Variants in AK1 observed in about 807,000 individuals in gnomAD.
AK1 encodes the protein adenylate kinase 1.
Under a neutral mutation model 23.9 loss-of-function variants are expected in AK1, and 13 were observed. That is an observed-to-expected ratio of 0.54 (90% confidence interval 0.35 to 0.86). The LOEUF is 0.86. Ranked by LOEUF, AK1 falls within the 40% of genes least tolerant of loss-of-function variation. The pLI is 0.01. For missense variants in AK1, 214 were observed against 255.1 expected, an observed-to-expected ratio of 0.84 and a Z score of 1.10; for synonymous variants, 97 against 102.8, an observed-to-expected ratio of 0.94 and a Z score of 0.34.
upstream of AK1, among the ~76,000 whole-genome samples, chr9:127,878,835 G>A (rs1412292305): frequency 6.6e-6 from 1 of 152,190 alleles, no homozygotes; most frequent in Non-Finnish European, 1.5e-5. Flanking sequence ...GGTCAGAGGT[G>A]TTGCATTAGA....
chr9:127,871,905 A>G lies in AK1; in HGVS notation c.242T>C (p.Val81Ala). 6.2e-7 allele frequency: 1 copy of G among 1,614,076 alleles called. No individual in the cohort carries two copies. The highest frequency in any genetic ancestry group is 8.5e-7 in the Non-Finnish European group (1 of 1,180,006). ...TVLDMLRDAM[V>A]AKVNTSKGFL... Reference sequence around the variant, plus strand: ...GCCTTTGGAAGTATTGACTTTGGCCACCATGGCATCCCGGAGCATGTCCAA... The same window carrying G: ...GCCTTTGGAAGTATTGACTTTGGCCGCCATGGCATCCCGGAGCATGTCCAA... Residue 81 changes from valine to alanine, a missense_variant, in exon 5 of 7, where the codon GTG becomes GCG. Transcript: ENST00000644144. This position sits in a 1 kb window ranked among gnomAD's most constrained non-coding sequence, Gnocchi z 4.4.
chr9:127,868,273 A>G lies in AK1; in HGVS notation c.516+48T>C. ...ACACAGTGAGCTGAGGCGGAGCCACATAGGAACCCGTTCTTCCCGGAGCTG... is the reference window on the plus strand; with the variant it reads ...ACACAGTGAGCTGAGGCGGAGCCACGTAGGAACCCGTTCTTCCCGGAGCTG... On this transcript the variant is annotated intron_variant, in intron 6 of 6. Coordinates refer to ENST00000644144, the MANE Select transcript of AK1 (RefSeq NM_000476.3). This position sits in a 1 kb window ranked among gnomAD's most constrained non-coding sequence, Gnocchi z 4.1. The G allele has an allele frequency of 6.5e-7, 1 of 1,540,658 alleles. No homozygotes were observed. The highest frequency in any genetic ancestry group is 8.8e-7 in the Non-Finnish European group (1 of 1,138,472).
At chr9:127,876,446 C>T (rs1246980830) in intron 1 of AK1, among the ~76,000 whole-genome samples, 1 of 152,240 alleles carries the variant, frequency 6.6e-6, no homozygotes, top group Admixed American at 6.5e-5. Flanking sequence ...CCCTGAGTTT[C>T]TGCTACGCTG....
In AK1 at chr9:127,873,513, T is replaced by A. The variant is rs1165773050; in HGVS notation, c.8-452A>T. On this transcript the variant is annotated intron_variant, in intron 2 of 6. Transcript: ENST00000644144. ...CCCTCTCAGGCCCTGGGCCGGCCCA[T>A]CACCCGCCTCCCCCGGCAGTGGGGG... The A allele has an allele frequency of 2.1e-6, 3 of 1,440,832 alleles. No homozygotes were observed. The African/African-American group carries it at 4.3e-5, about 21-fold the overall frequency. 89.3% of individuals were successfully genotyped at this position (1,440,832 alleles called of 1,614,324 possible).
intron 4 of AK1, 120 bp downstream of exon 4, chr9:127,872,570 T>C: frequency 1.5e-6 from 2 of 1,358,254 alleles, no homozygotes; most frequent in South Asian, 2.5e-5. Flanking sequence ...CACAGAAGGG[T>C]TTGGAGCCGG....
chr9:127,873,269 C>T (rs1380507992), intron 2 of AK1: 3 of 1,532,594 alleles, frequency 2.0e-6, no homozygotes, highest in African/African-American at 1.4e-5. Flanking sequence ...AGAGAGGGTG[C>T]TCCAGGCAGC....
In AK1 at chr9:127,871,790, C is replaced by G. The variant is rs1416190299; in HGVS notation, c.324+33G>C. The stretch of plus-strand genomic sequence containing the variant: ...GATGGGAGTCTTATCCTGCCCCAGC[C>G]CACCAGGATCCCCACTTGGGTCAGT... On this transcript the variant is annotated intron_variant, in intron 5 of 6. Transcript: ENST00000644144. This position sits in a 1 kb window ranked among gnomAD's most constrained non-coding sequence, Gnocchi z 4.4. 1.3e-6 allele frequency: 2 copies of G among 1,585,836 alleles called. No homozygotes were observed. Among genetic ancestry groups the G allele is most frequent in the African/African-American group, 2.7e-5 (2 of 74,282 alleles).
chr9:127,869,771 C>T (rs570691555), intron 5 of AK1, among the ~76,000 whole-genome samples: 9 of 152,228 alleles, frequency 5.9e-5, no homozygotes, highest in Non-Finnish European at 2.9e-5. Context: ...TCACCCACCC[C>T]CCATCATCAT....
At position 127,868,524 on chromosome 9, in the gene AK1, C is replaced by T; in HGVS notation, c.325-12G>A. 3 of 1,566,978 alleles carry T rather than the reference C, an allele frequency of 1.9e-6. No individual in the cohort carries two copies. Among genetic ancestry groups the T allele is most frequent in the Non-Finnish European group, 2.6e-6 (3 of 1,155,612 alleles). ...GTGGGCTGTCCAATCTGCAGGCGGG[C>T]ACCATGTCACAGGGACCCCATTCCT... On this transcript the variant is annotated splice_polypyrimidine_tract_variant and intron_variant, in intron 5 of 6. Transcript: ENST00000644144. This position sits in a 1 kb window ranked among gnomAD's most constrained non-coding sequence, Gnocchi z 4.1.
chr9:127,872,728 G>C lies in AK1; in HGVS notation c.169C>G (p.Leu57Val). The change falls in exon 4 of 7, where the codon CTG becomes GTG. Residue 57 changes from leucine to valine, a missense_variant. Leu to Val is a conservative substitution (Grantham distance 32). Coordinates refer to ENST00000644144, the MANE Select transcript of AK1 (RefSeq NM_000476.3). ...VSSGSARGKK[L>V]SEIMEKGQLV... ...TGCCCCTTCTCCATGATTTCCGACA[G>C]CTTCTTGCCCCTGGCCGAGCCTGAG... The C allele has an allele frequency of 6.2e-7, 1 of 1,614,152 alleles. No homozygotes were observed. The highest frequency in any genetic ancestry group is 8.5e-7 in the Non-Finnish European group (1 of 1,180,038).
rs188938377 is a variant in AK1, at chr9:127,873,357, G to A, written c.8-296C>T. 3,147 of 1,561,394 alleles carry A rather than the reference G, an allele frequency of 2.0e-3. 45 individuals carry two copies. In the East Asian group the frequency reaches 0.027, roughly 14 times the overall value. On this transcript the variant is annotated intron_variant, in intron 2 of 6. Transcript: ENST00000644144. The stretch of plus-strand genomic sequence containing the variant: ...GGGCTGGGCCGCCAGCCCTCATGGC[G>A]CCTCCCTGTGGGTGCCTGGACCCCG...
intron 5 of AK1, among the ~76,000 whole-genome samples, chr9:127,870,904 C>T (rs1350400707): frequency 6.6e-6 from 1 of 151,792 alleles, no homozygotes; most frequent in Non-Finnish European, 1.5e-5. Flanking sequence ...TAGCCCTTGC[C>T]GACCTCTCCC....
Position 127,871,700 on chromosome 9 carries a change from T to G in AK1, c.324+123A>C. On this transcript the variant is annotated intron_variant, in intron 5 of 6. Coordinates refer to ENST00000644144, the MANE Select transcript of AK1 (RefSeq NM_000476.3). The surrounding 1 kb of genome is among the most constrained non-coding windows in gnomAD (Gnocchi z 4.4). ...TCCTGGTTTTCCTCCTCACCCACAC[T>G]CCATGAATCAGCCTCTGCTCAGAAC... 1 of 813,456 alleles carries G rather than the reference T, an allele frequency of 1.2e-6. No individual in the cohort carries two copies. Among genetic ancestry groups the G allele is most frequent in the Non-Finnish European group, 2.1e-6 (1 of 468,110 alleles). The allele number at this position is 813,456 out of a possible 1,614,324, so 50.4% of individuals were successfully genotyped here.
At chr9:127,870,548 G>A (rs57275097) in intron 5 of AK1, among the ~76,000 whole-genome samples, 12,473 of 152,176 alleles carry the variant, frequency 0.082, 915 homozygotes, top group African/African-American at 0.2. Flanking sequence ...GTCACAGGTG[G>A]TACCACACAG....
chr9:127,873,936 G>A, intron 2 of AK1: 1 of 985,444 alleles, frequency 1.0e-6, no homozygotes, highest in South Asian at 4.7e-5. Flanking sequence ...CAGCCATAAG[G>A]CTGGAGCCCT....
chr9:127,873,626 C>T (rs1829471183), intron 2 of AK1: 24 of 1,410,208 alleles, frequency 1.7e-5, no homozygotes, highest in South Asian at 4.9e-5. Context: ...CCAGAGAGGG[C>T]GGTGAGCTTG....
Position 127,868,216 on chromosome 9 carries a change from C to T in AK1, c.516+105G>A. On this transcript the variant is annotated intron_variant, in intron 6 of 6. Transcript: ENST00000644144. The surrounding 1 kb of genome is among the most constrained non-coding windows in gnomAD (Gnocchi z 4.1). ...CCCCTCATTGAACCAGTGGGGAAACCAAGGCCCAGAGAGAGGGGCTGGCCT... is the reference window on the plus strand; with the variant it reads ...CCCCTCATTGAACCAGTGGGGAAACTAAGGCCCAGAGAGAGGGGCTGGCCT... 6.9e-7 allele frequency: 1 copy of T among 1,453,962 alleles called. No homozygotes were observed. The highest frequency in any genetic ancestry group is 9.5e-7 in the Non-Finnish European group (1 of 1,057,820). The allele number at this position is 1,453,962 out of a possible 1,614,324, so 90.1% of individuals were successfully genotyped here.
rs1482672956 is a variant in AK1 at position 127,868,155 on chromosome 9, G to A, written c.517-79C>T. The A allele has an allele frequency of 1.6e-5, 25 of 1,550,940 alleles. No individual in the cohort carries two copies. Among genetic ancestry groups the A allele is most frequent in the African/African-American group, 4.1e-5 (3 of 73,488 alleles). The stretch of plus-strand genomic sequence containing the variant: ...TCACCATGGCAGGCCCCAGAGACCA[G>A]GCCTGCCTCCCCGAGCCCAACCTAA... On this transcript the variant is annotated intron_variant, in intron 6 of 6. Transcript: ENST00000644144. This position sits in a 1 kb window ranked among gnomAD's most constrained non-coding sequence, Gnocchi z 4.1.
chr9:127,868,125 G>A lies in AK1; in HGVS notation c.517-49C>T, dbSNP rs1476484417. The A allele has an allele frequency of 6.3e-7, 1 of 1,598,462 alleles. No homozygotes were observed. Among genetic ancestry groups the A allele is most frequent in the Non-Finnish European group, 8.6e-7 (1 of 1,166,086 alleles). On this transcript the variant is annotated intron_variant, in intron 6 of 6. Transcript: ENST00000644144. The surrounding 1 kb of genome is among the most constrained non-coding windows in gnomAD (Gnocchi z 4.1). ...GCTGAGTCACCAGGTGGAGTGGGGT[G>A]GGCCTCACCATGGCAGGCCCCAGAG... is the stretch of plus-strand genomic sequence containing the variant.
Sources: allele counts gnomAD v4.1 joint callset (sites outside exome capture counted in the v4.1 genomes callset), GRCh38; gene constraint gnomAD v4.1.1; non-coding constraint Gnocchi (gnomAD v3.1); transcripts MANE v1.5; gene names NCBI Gene and HGNC (gene_info 2026-07-23, HGNC 2026-07-21).